Variants in NXPE4 observed in about 807,000 individuals in gnomAD.
NXPE4 encodes the protein NXPE family member 4.
In NXPE4, 42 loss-of-function variants were observed where a neutral mutation model predicts 33.3. The ratio of observed to expected loss-of-function variants is 1.26; its 90% CI spans 0.98 to 1.63. The LOEUF (loss-of-function observed/expected upper bound fraction) is 1.63, where lower values mean the gene tolerates loss of function less well. Ranked by LOEUF, NXPE4 falls within the 40% of genes most tolerant of loss-of-function variation. The pLI is 0.00. For synonymous variants in NXPE4, 253 were observed against 234.9 expected, an observed-to-expected ratio of 1.08 and a Z score of -0.71; for missense variants, 709 against 647.6, an observed-to-expected ratio of 1.09 and a Z score of -1.03.
chr11:114,633,016 A>T, the NXPE4 span, among the ~76,000 whole-genome samples: 1 of 107,036 alleles, frequency 9.3e-6, no homozygotes, highest in Non-Finnish European at 1.7e-5. Context: ...TATATTATAT[A>T]ATATATAATG....
At chr11:114,587,504 C>G (rs1202676661) in intron 2 of NXPE4, among the ~76,000 whole-genome samples, 2 of 152,234 alleles carry the variant, frequency 1.3e-5, no homozygotes. Flanking sequence ...TCACACAAGT[C>G]TAGAAAGTCA....
chr11:114,619,783 AG>A, the NXPE4 span, among the ~76,000 whole-genome samples: 1 of 151,764 alleles, frequency 6.6e-6, no homozygotes, highest in African/African-American at 2.4e-5. Context: ...GTGGATAATA[AG>A]TAATGCCTCG....
At chr11:114,661,611 G>C in the NXPE4 span, among the ~76,000 whole-genome samples, 1 of 152,176 alleles carries the variant, frequency 6.6e-6, no homozygotes, top group East Asian at 1.9e-4. Flanking sequence ...ATAGAACAAG[G>C]ACAAAACCTT....
intron 2 of NXPE4, among the ~76,000 whole-genome samples, chr11:114,587,735 T>TA (rs1445511726): frequency 2.0e-5 from 3 of 152,190 alleles, no homozygotes; most frequent in Non-Finnish European, 4.4e-5. Context: ...CGAAGGTGAC[T>TA]AAAGGGACAC....
the NXPE4 span, among the ~76,000 whole-genome samples, chr11:114,646,972 G>A: frequency 1.3e-5 from 2 of 152,178 alleles, no homozygotes; most frequent in African/African-American, 4.8e-5. Flanking sequence ...CTGTAAACCA[G>A]CACAAGTGTC....
At chr11:114,626,665 G>C in the NXPE4 span, among the ~76,000 whole-genome samples, 1 of 152,198 alleles carries the variant, frequency 6.6e-6, no homozygotes, top group Non-Finnish European at 1.5e-5. Flanking sequence ...GAACAAAGCT[G>C]GACGGAGAAT....
At chr11:114,586,499 C>A (rs929279315) in intron 2 of NXPE4, among the ~76,000 whole-genome samples, 2 of 152,192 alleles carry the variant, frequency 1.3e-5, no homozygotes, top group Non-Finnish European at 2.9e-5. Context: ...GCGTGGCTAC[C>A]AGCCTTACAA....
chr11:114,626,697 G>A, the NXPE4 span, among the ~76,000 whole-genome samples: 10 of 152,170 alleles, frequency 6.6e-5, no homozygotes, highest in Non-Finnish European at 1.3e-4. Context: ...GCTGAGAGAA[G>A]GCTTCAGACA....
At chr11:114,606,904 C>G in the NXPE4 span, among the ~76,000 whole-genome samples, 51 of 151,934 alleles carry the variant, frequency 3.4e-4, no homozygotes, top group Middle Eastern at 3.4e-3. Context: ...ACCACTGTTA[C>G]CCGGTGGATA....
At chr11:114,590,978 C>A (rs1949438021) in intron 2 of NXPE4, among the ~76,000 whole-genome samples, 1 of 152,116 alleles carries the variant, frequency 6.6e-6, no homozygotes, top group Non-Finnish European at 1.5e-5. Flanking sequence ...ACTTTCCTCC[C>A]CAAGAAAACT....
At chr11:114,610,816 C>A in the NXPE4 span, among the ~76,000 whole-genome samples, 4 of 151,960 alleles carry the variant, frequency 2.6e-5, no homozygotes, top group African/African-American at 9.7e-5. Context: ...AGGGTTATCA[C>A]TGTTACCCTG....
the NXPE4 span, among the ~76,000 whole-genome samples, chr11:114,648,710 CTAATA>C: frequency 6.6e-6 from 1 of 152,082 alleles, no homozygotes; most frequent in Non-Finnish European, 1.5e-5. Flanking sequence ...GTAATTCCAC[CTAATA>C]TATGATACAA....
chr11:114,601,042 A>G, the NXPE4 span, among the ~76,000 whole-genome samples: 1 of 152,102 alleles, frequency 6.6e-6, no homozygotes, highest in African/African-American at 2.4e-5. Flanking sequence ...TGCCATCTGT[A>G]CAAGTTTTAA....
chr11:114,639,278 AGG>A, the NXPE4 span, among the ~76,000 whole-genome samples: 1 of 152,088 alleles, frequency 6.6e-6, no homozygotes, highest in Non-Finnish European at 1.5e-5. Context: ...AGCCAGGTGC[AGG>A]ATATAATCTC....
the NXPE4 span, among the ~76,000 whole-genome samples, chr11:114,643,773 A>AG: frequency 2.6e-5 from 4 of 151,622 alleles, no homozygotes; most frequent in African/African-American, 9.7e-5. Context: ...AACTTAAAGT[A>AG]GTTTTTTTTT....
At chr11:114,609,642 G>T in the NXPE4 span, among the ~76,000 whole-genome samples, 101,230 of 148,442 alleles carry the variant, frequency 0.68, 34,262 homozygotes, top group African/African-American at 0.76. Flanking sequence ...TAATAAGTGT[G>T]GCCTCGTGGG....
At chr11:114,631,676 TA>T in the NXPE4 span, among the ~76,000 whole-genome samples, 2 of 151,918 alleles carry the variant, frequency 1.3e-5, no homozygotes, top group South Asian at 4.1e-4. Flanking sequence ...AGTATATATA[TA>T]AAAAAAGTAT....
chr11:114,583,000 A>G lies in NXPE4; in HGVS notation c.118T>C (p.Ser40Pro). The G allele has an allele frequency of 6.2e-7, 1 of 1,612,792 alleles. No homozygotes were observed. The highest frequency in any genetic ancestry group is 8.5e-7 in the Non-Finnish European group (1 of 1,179,714). Residue 40 changes from serine to proline, a missense_variant, in exon 3 of 6, where the codon TCC becomes CCC. By Grantham distance (74) the Ser-to-Pro change is moderately conservative. Transcript: ENST00000375478. ...STKVWSALNLSISLHYWNNST... is the reference protein window; with the variant it reads ...STKVWSALNLPISLHYWNNST... ...TTGTTCCAGTAATGGAGGGAGATGG[A>G]TAAGTTTAGAGCAGACCAAACCTGA...
chr11:114,630,745 A>T, the NXPE4 span, among the ~76,000 whole-genome samples: 1 of 151,646 alleles, frequency 6.6e-6, no homozygotes, highest in Non-Finnish European at 1.5e-5. Flanking sequence ...CAACCTACAA[A>T]ATGGGAGAAA....
Sources: allele counts gnomAD v4.1 joint callset (sites outside exome capture counted in the v4.1 genomes callset), GRCh38; gene constraint gnomAD v4.1.1; transcripts MANE v1.5; gene names NCBI Gene and HGNC (gene_info 2026-07-23, HGNC 2026-07-21).